Variants in P4HA2 observed in about 807,000 individuals in gnomAD.
P4HA2 encodes prolyl 4-hydroxylase subunit alpha-2.
P4HA2 carries 46 observed loss-of-function variants against 76.9 expected under a neutral mutation model. That is an observed-to-expected ratio of 0.60 (90% CI 0.47 to 0.76). P4HA2 has a LOEUF of 0.76. P4HA2 is among the 30% of genes least tolerant of loss of function. The pLI, the probability that P4HA2 is intolerant of heterozygous loss-of-function variation, is 0.00. For synonymous variants in P4HA2, 243 were observed against 254.0 expected (o/e 0.96, Z 0.41); for missense variants, 583 against 669.4 (o/e 0.87, Z 1.42).
chr5:132,217,720 G>A, intron 3 of P4HA2, 32 bp downstream of exon 3: 1 of 1,306,186 alleles, frequency 7.7e-7, no homozygotes, highest in East Asian at 2.3e-5. Context: ...GGGAAGGAAG[G>A]CCAACTAAGG....
intron 10 of P4HA2, chr5:132,199,980 T>A (rs1751251786): frequency 6.6e-6 from 1 of 152,350 alleles, no homozygotes. Flanking sequence ...GTGAGAGGAC[T>A]GCTTGAGCTC....
chr5:132,212,572 G>A (rs540435610), intron 5 of P4HA2, among the ~76,000 whole-genome samples: 4 of 152,130 alleles, frequency 2.6e-5, no homozygotes, highest in African/African-American at 4.8e-5. Flanking sequence ...CATGAAGTTC[G>A]AGAAGTCCAT....
At chr5:132,197,785 C>G (rs574711986) in intron 12 of P4HA2, among the ~76,000 whole-genome samples, 1 of 152,088 alleles carries the variant, frequency 6.6e-6, no homozygotes, top group Non-Finnish European at 1.5e-5. Flanking sequence ...CTGCCAGGAG[C>G]TGCAGGAGGG....
chr5:132,194,892 C>T, intron 14 of P4HA2, 34 bp downstream of exon 14: 1 of 1,441,314 alleles, frequency 6.9e-7, no homozygotes, highest in Non-Finnish European at 9.8e-7. Context: ...AAGCTGAGGC[C>T]ACCAACACCA....
intron 5 of P4HA2, among the ~76,000 whole-genome samples, 169 bp downstream of exon 5, chr5:132,213,747 C>T (rs1282574033): frequency 1.3e-5 from 2 of 152,072 alleles, no homozygotes; most frequent in Non-Finnish European, 1.5e-5. Flanking sequence ...AGGGCAGGGG[C>T]TGAGGGAGAA....
In P4HA2 at chr5:132,191,250, C is replaced by A. The variant is rs557956268; in HGVS notation, c.*1760G>T. On this transcript the variant is annotated 3_prime_UTR_variant, in exon 15 of 15. Coordinates refer to ENST00000360568, the MANE Select transcript of P4HA2 (RefSeq NM_001017974.2). ...CATATGGGCCGGGCGCGGTGGCTCA[C>A]GCCTGTAATCCCAGCACTTTGGGAG... 2.0e-5 allele frequency among the ~76,000 whole-genome samples: 3 copies of A among 152,172 alleles called. No individual in the cohort carries two copies. The highest frequency in any genetic ancestry group is 7.2e-5 in the African/African-American group (3 of 41,450).
At position 132,190,999 on chromosome 5, in the gene P4HA2, A is replaced by G. The variant is rs1466157412; in HGVS notation, c.*2011T>C. Among the ~76,000 whole-genome samples, 2 of 152,190 alleles carry G rather than the reference A, an allele frequency of 1.3e-5. No individual in the cohort carries two copies. Among genetic ancestry groups the G allele is most frequent in the Non-Finnish European group, 2.9e-5 (2 of 68,026 alleles). ...ATTGAATTAAAAACATTTATTTCTC[A>G]TGGTTATGGGAACTGGAAAGTCCGA... On this transcript the variant is annotated 3_prime_UTR_variant, in exon 15 of 15. Transcript: ENST00000360568.
chr5:132,198,487 A>T, intron 11 of P4HA2, 107 bp from the exon 12 acceptor site: 1 of 1,050,966 alleles, frequency 9.5e-7, no homozygotes, highest in African/African-American at 1.6e-5. Context: ...GTGTTCCATA[A>T]ATCAGCCTGG....
Position 132,217,301 on chromosome 5 carries a change from G to A in P4HA2, c.227C>T (p.Ala76Val). 1 of 1,614,178 alleles carries A rather than the reference G, an allele frequency of 6.2e-7. No homozygotes were observed. The highest frequency in any genetic ancestry group is 8.5e-7 in the Non-Finnish European group (1 of 1,179,968). Residue 76 changes from alanine to valine, a missense_variant, in exon 4 of 15, where the codon GCT (alanine) becomes GTT (valine). Ala to Val is a moderately conservative substitution (Grantham distance 64). Transcript: ENST00000360568. ...CACAGGGTGAGCCAGGTAGCCCTCA[G>A]CATCAGCAGCTGACTTGCTAGTCAA... Reference protein sequence around the residue: ...EALTSKSAADAEGYLAHPVNA... With the variant: ...EALTSKSAADVEGYLAHPVNA...
chr5:132,198,137 G>T, intron 12 of P4HA2, 184 bp downstream of exon 12: 4 of 1,605,214 alleles, frequency 2.5e-6, no homozygotes, highest in East Asian at 4.5e-5. Context: ...GCCCTGATGG[G>T]GGTGGGATAT....
chr5:132,194,811 G>A lies in P4HA2; in HGVS notation c.1531+115C>T, dbSNP rs188180409. On this transcript the variant is annotated intron_variant, in intron 14 of 14. Coordinates refer to ENST00000360568, the MANE Select transcript of P4HA2 (RefSeq NM_001017974.2). ...ATAACAGCAGAAAAAAACCTAAGAA[G>A]GGAGACAGTCTCAGCAAATTTGGCA... is the stretch of plus-strand genomic sequence containing the variant. The A allele has an allele frequency of 1.7e-4, 126 of 745,352 alleles. No homozygotes were observed. The East Asian group carries it at 2.9e-3, about 17-fold the overall frequency. 46.2% of individuals were successfully genotyped at this position (745,352 alleles called of 1,614,324 possible).
chr5:132,198,139 G>C, intron 12 of P4HA2, 182 bp downstream of exon 12: 1 of 1,606,092 alleles, frequency 6.2e-7, no homozygotes, highest in South Asian at 1.1e-5. Flanking sequence ...CCTGATGGGG[G>C]TGGGATATAA....
chr5:132,203,656 G>T, intron 10 of P4HA2, 92 bp downstream of exon 10: 2 of 759,822 alleles, frequency 2.6e-6, no homozygotes, highest in Non-Finnish European at 2.4e-6. Flanking sequence ...TCATACAGTT[G>T]GGCCTCTTGG....
At chr5:132,218,489 C>T (rs778082102) in intron 2 of P4HA2, 56 bp downstream of exon 2, 1 of 1,195,252 alleles carries the variant, frequency 8.4e-7, no homozygotes, top group African/African-American at 1.5e-5. Context: ...CAGCCAGAGA[C>T]ATCCGTGGCA....
chr5:132,195,796 T>C (rs1750550868), intron 12 of P4HA2: 1 of 410,098 alleles, frequency 2.4e-6, no homozygotes, highest in East Asian at 5.1e-5. Flanking sequence ...CCCCACCCTT[T>C]GAATCCCCAT....
At chr5:132,201,457 T>G (rs1196733825) in intron 10 of P4HA2, 2 of 152,198 alleles carry the variant, frequency 1.3e-5, no homozygotes. Context: ...TGCCTAGGCA[T>G]GTATCATACC....
intron 10 of P4HA2, chr5:132,201,377 T>C (rs1230335527): frequency 6.6e-6 from 1 of 152,160 alleles, no homozygotes; most frequent in African/African-American, 2.4e-5. Context: ...TGTCAACAGA[T>C]AGAAGAACCA....
chr5:132,202,014 A>T (rs1463793941), intron 10 of P4HA2: 1 of 152,210 alleles, frequency 6.6e-6, no homozygotes, highest in Non-Finnish European at 1.5e-5. Flanking sequence ...AAACAAAAAC[A>T]AAAACCTGCT....
intron 4 of P4HA2, among the ~76,000 whole-genome samples, chr5:132,215,842 T>C (rs1397956885): frequency 2.8e-5 from 3 of 106,830 alleles, no homozygotes; most frequent in Admixed American, 1.2e-4. Flanking sequence ...AGTGAGACCC[T>C]GTCCCTTTAA....
Sources: allele counts gnomAD v4.1 joint callset (sites outside exome capture counted in the v4.1 genomes callset), GRCh38; gene constraint gnomAD v4.1.1; transcripts MANE v1.5; gene names NCBI Gene and HGNC (gene_info 2026-07-23, HGNC 2026-07-21).